Variants in SLC13A1 observed in about 807,000 individuals in gnomAD.
SLC13A1 encodes solute carrier family 13 member 1, also known as Na(+)/sulfate cotransporter.
Under a neutral mutation model 70.0 loss-of-function variants are expected in SLC13A1, and 65 were observed. The ratio of observed to expected loss-of-function variants is 0.93; its 90% CI spans 0.76 to 1.14. The LOEUF is 1.14. Ranked by LOEUF, SLC13A1 falls within the 50% of genes most tolerant of loss-of-function variation. SLC13A1 has a pLI of 0.00. For synonymous variants in SLC13A1, 275 were observed against 250.5 expected, an observed-to-expected ratio of 1.10 and a Z score of -0.92; for missense variants, 726 against 717.8, an observed-to-expected ratio of 1.01 and a Z score of -0.13.
chr7:123,178,986 A>T (rs973656618), intron 2 of SLC13A1, among the ~76,000 whole-genome samples: 12 of 152,120 alleles, frequency 7.9e-5, no homozygotes, highest in African/African-American at 2.7e-4. Flanking sequence ...ACATTTATTA[A>T]CTCATTTAAT....
chr7:123,176,138 C>G (rs1462297624), intron 2 of SLC13A1, among the ~76,000 whole-genome samples: 1 of 152,120 alleles, frequency 6.6e-6, no homozygotes, highest in Admixed American at 6.5e-5. Context: ...CTCAATAGAC[C>G]ATGCAAACAA....
chr7:123,129,285 C>A, intron 9 of SLC13A1, 98 bp downstream of exon 9: 1 of 1,051,520 alleles, frequency 9.5e-7, no homozygotes, highest in South Asian at 1.6e-5. Context: ...GTTTGCTTTT[C>A]AACAGCTACT....
intron 7 of SLC13A1, among the ~76,000 whole-genome samples, chr7:123,134,796 G>A (rs990247670): frequency 6.6e-6 from 1 of 152,186 alleles, no homozygotes; most frequent in East Asian, 1.9e-4. Context: ...GGAAGTGCTT[G>A]TGGAAAAAAC....
intron 12 of SLC13A1, 45 bp from the exon 13 acceptor site, chr7:123,119,287 T>C (rs995191241): frequency 3.1e-6 from 4 of 1,294,786 alleles, no homozygotes; most frequent in Non-Finnish European, 4.3e-6. Flanking sequence ...AATAATTCTT[T>C]GTAATCAGAC....
intron 6 of SLC13A1, among the ~76,000 whole-genome samples, chr7:123,155,218 A>G (rs1183290173): frequency 6.6e-6 from 1 of 151,726 alleles, no homozygotes; most frequent in Non-Finnish European, 1.5e-5. Context: ...AATTTTTAAT[A>G]TACTCTTCTC....
chr7:123,195,612 A>G (rs1232244808), intron 1 of SLC13A1, among the ~76,000 whole-genome samples: 2 of 152,118 alleles, frequency 1.3e-5, no homozygotes, highest in South Asian at 2.1e-4. Context: ...ATCTAGCACC[A>G]TAAGTCTCTC....
In SLC13A1 at chr7:123,174,052, C is replaced by T. The variant is rs1056243796; in HGVS notation, c.229-2148G>A. On this transcript the variant is annotated intron_variant, in intron 2 of 14. Transcript: ENST00000194130. ...TCTAACTTTGAAAATCCAGTTATCT[C>T]GGTCCTCCAAAATGCTGGTATTCCA... is the stretch of plus-strand genomic sequence containing the variant. Among the ~76,000 whole-genome samples the T allele has an allele frequency of 2.7e-5, 4 of 147,866 alleles. 1 individual carries two copies. In the South Asian group the frequency reaches 6.6e-4, roughly 24 times the overall value.
chr7:123,173,944 G>T (rs926313518), intron 2 of SLC13A1, among the ~76,000 whole-genome samples: 1 of 147,946 alleles, frequency 6.8e-6, no homozygotes, highest in Non-Finnish European at 1.5e-5. Context: ...ATATTAATTT[G>T]CCAGTGCTTC....
At chr7:123,147,351 A>G (rs772011190) in intron 6 of SLC13A1, 41 bp from the exon 7 acceptor site, 12 of 1,601,800 alleles carry the variant, frequency 7.5e-6, no homozygotes, top group South Asian at 1.1e-5. Flanking sequence ...GAACTGCTCT[A>G]TATTTGTTAT....
At chr7:123,164,197 G>GT (rs1306293014) in intron 6 of SLC13A1, among the ~76,000 whole-genome samples, 1 of 151,864 alleles carries the variant, frequency 6.6e-6, no homozygotes, top group African/African-American at 2.4e-5. Flanking sequence ...GTGACATTGA[G>GT]CAAATGTTAA....
chr7:123,198,271 C>G (rs377708793), intron 1 of SLC13A1, among the ~76,000 whole-genome samples: 4 of 142,450 alleles, frequency 2.8e-5, no homozygotes, highest in African/African-American at 5.0e-5. Flanking sequence ...GCCAGAGATT[C>G]ATATAGGAGA....
At position 123,114,359 on chromosome 7, in the gene SLC13A1, G is replaced by T. The variant is rs930341825; in HGVS notation, c.*1159C>A. On this transcript the variant is annotated 3_prime_UTR_variant, in exon 15 of 15. Coordinates refer to ENST00000194130, the MANE Select transcript of SLC13A1 (RefSeq NM_022444.4). ...TACAATGTGTAATTGTCACATCAGG[G>T]TAATTGGAAACTCATTCTTTTTCGC... The T allele has an allele frequency of 6.6e-6, 1 of 152,142 alleles. No individual in the cohort carries two copies. Among genetic ancestry groups the T allele is most frequent in the Middle Eastern group, 3.4e-3 (1 of 294 alleles). 9.4% of individuals were successfully genotyped at this position (152,142 alleles called of 1,614,324 possible). A position where few individuals can be genotyped will look rare whatever the true frequency, so the allele number is the denominator to read the frequency against.
intron 6 of SLC13A1, among the ~76,000 whole-genome samples, chr7:123,159,231 T>C (rs1794808208): frequency 6.6e-6 from 1 of 152,184 alleles, no homozygotes; most frequent in Non-Finnish European, 1.5e-5. Flanking sequence ...AATGACTGAA[T>C]TATGTCTCTC....
chr7:123,170,827 C>T (rs1054740009), intron 3 of SLC13A1, among the ~76,000 whole-genome samples: 1 of 151,962 alleles, frequency 6.6e-6, no homozygotes, highest in African/African-American at 2.4e-5. Context: ...CGATCGCCCA[C>T]CTTGGCCTCC....
chr7:123,173,102 T>TA (rs1242118404), intron 2 of SLC13A1, among the ~76,000 whole-genome samples: 3 of 152,034 alleles, frequency 2.0e-5, no homozygotes, highest in Non-Finnish European at 2.9e-5. Flanking sequence ...AATGCCCCTC[T>TA]AAAAAAATCA....
rs139597333 is a variant in SLC13A1 at position 123,178,859 on chromosome 7, G to A, written c.228+2114C>T. The stretch of plus-strand genomic sequence containing the variant: ...CTGAAATGCCATAGGGAAGACGATA[G>A]GCTCATTCACCTTTACAACACTCAG... On this transcript the variant is annotated intron_variant, in intron 2 of 14. Coordinates refer to ENST00000194130, the MANE Select transcript of SLC13A1 (RefSeq NM_022444.4). Among the ~76,000 whole-genome samples the A allele has an allele frequency of 3.7e-3, 556 of 152,220 alleles. 4 individuals carry two copies. The highest frequency in any genetic ancestry group is 0.012 in the African/African-American group (509 of 41,550).
chr7:123,144,952 T>C (rs1028392069), intron 7 of SLC13A1, among the ~76,000 whole-genome samples: 2 of 152,194 alleles, frequency 1.3e-5, no homozygotes, highest in Admixed American at 6.5e-5. Flanking sequence ...GATACTATAA[T>C]TGCACACCAA....
intron 1 of SLC13A1, among the ~76,000 whole-genome samples, chr7:123,193,145 TGAA>T (rs1215433705): frequency 1.6e-4 from 25 of 152,172 alleles, no homozygotes; most frequent in Admixed American, 1.6e-3. Flanking sequence ...ATGCAATCCA[TGAA>T]CTACCTGCTC....
chr7:123,135,549 AT>A (rs1425984210), intron 7 of SLC13A1, among the ~76,000 whole-genome samples: 7 of 152,144 alleles, frequency 4.6e-5, no homozygotes, highest in Admixed American at 4.6e-4. Flanking sequence ...TTATAGAAAT[AT>A]TGATTTGCAA....
Sources: allele counts gnomAD v4.1 joint callset (sites outside exome capture counted in the v4.1 genomes callset), GRCh38; gene constraint gnomAD v4.1.1; transcripts MANE v1.5; gene names NCBI Gene and HGNC (gene_info 2026-07-23, HGNC 2026-07-21).